CFAP206: variants seen among roughly 807,000 people sequenced by gnomAD.
CFAP206 encodes cilia and flagella associated protein 206, also known as cilia- and flagella-associated protein 206.
CFAP206 carries 53 observed loss-of-function variants against 65.4 expected under a neutral mutation model. The ratio of observed to expected loss-of-function variants is 0.81; its 90% CI spans 0.65 to 1.02. CFAP206 has a LOEUF of 1.02. Ranked by LOEUF, CFAP206 falls within the 50% of genes least tolerant of loss-of-function variation. CFAP206 has a pLI of 0.00. For missense variants in CFAP206, 663 were observed against 753.2 expected (o/e 0.88, Z 1.40); for synonymous variants, 250 against 254.4 (o/e 0.98, Z 0.17).
Position 87,416,752 on chromosome 6 carries a change from G to T in CFAP206, c.556G>T (p.Glu186Ter), listed in dbSNP as rs755706034. The T allele has an allele frequency of 2.0e-5, 33 of 1,613,596 alleles. No individual in the cohort carries two copies. Among genetic ancestry groups the T allele is most frequent in the Non-Finnish European group, 2.6e-5 (31 of 1,179,886 alleles). Residue 186 changes from glutamate (E) to a stop codon, truncating the protein, a stop_gained, in exon 6 of 13, where the codon GAA becomes TAA. Transcript: ENST00000369562. LOFTEE classifies it high-confidence loss of function. ...GAAGGACAAAGAACGCCAGCTGAAAGAACTCACCATGATTGTTACTGGAAT... is the reference window on the plus strand; with the variant it reads ...GAAGGACAAAGAACGCCAGCTGAAATAACTCACCATGATTGTTACTGGAAT... ...SKKDKERQLK[E>*]LTMIVTGIRL... is the part of the protein sequence containing the mutation.
intron 11 of CFAP206, among the ~76,000 whole-genome samples, chr6:87,452,365 A>G (rs1768561750): frequency 6.6e-6 from 1 of 152,230 alleles, no homozygotes; most frequent in South Asian, 2.1e-4. Context: ...GGACAGGTAC[A>G]AACAAACCCA....
At chr6:87,457,068 T>A (rs1291060737) in intron 11 of CFAP206, among the ~76,000 whole-genome samples, 1 of 146,998 alleles carries the variant, frequency 6.8e-6, no homozygotes, top group Non-Finnish European at 1.5e-5. Context: ...GAGAATGGCA[T>A]GAACCCAGGA....
At chr6:87,444,527 T>C (rs966832607) in intron 11 of CFAP206, 1 of 278,072 alleles carries the variant, frequency 3.6e-6, no homozygotes, top group Admixed American at 3.7e-5. Context: ...CTGGACCCTG[T>C]ATGGCTGCAA....
In CFAP206 at chr6:87,415,216, G is replaced by A. The variant is rs1169052471; in HGVS notation, c.284-470G>A. 4.0e-5 allele frequency among the ~76,000 whole-genome samples: 6 copies of A among 151,726 alleles called. 1 individual carries two copies. The highest frequency in any genetic ancestry group is 4.1e-4 in the South Asian group (2 of 4,820). On this transcript the variant is annotated intron_variant, in intron 4 of 12. Transcript: ENST00000369562. The stretch of plus-strand genomic sequence containing the variant: ...AACTGAAATAAAAATACACGTAACC[G>A]AAAGGAACATATATACTACATATAT...
At position 87,464,230 on chromosome 6, in the gene CFAP206, A is replaced by G; in HGVS notation, c.1849A>G (p.Arg617Gly). 6.8e-6 allele frequency: 11 copies of G among 1,613,776 alleles called. No homozygotes were observed. Among genetic ancestry groups the G allele is most frequent in the Non-Finnish European group, 8.5e-6 (10 of 1,179,792 alleles). Residue 617 changes from arginine to glycine, a missense_variant, in exon 13 of 13, where the codon AGA becomes GGA. Physicochemically the swap from Arg to Gly is moderately radical, Grantham distance 125 (BLOSUM62 -2). Transcript: ENST00000369562. The stretch of plus-strand genomic sequence containing the variant: ...CGATGAGGTCAAGGTGAACTTAACT[A>G]GAGATGTGGATGAAACCTAATTACA... ...ITDEVKVNLTRDVDET is the reference protein window; with the variant it reads ...ITDEVKVNLTGDVDET
intron 11 of CFAP206, chr6:87,444,298 AGAAG>A: frequency 4.7e-6 from 1 of 212,956 alleles, no homozygotes; most frequent in South Asian, 8.6e-5. Flanking sequence ...TCTCTTGATG[AGAAG>A]GTCAGAGGTA....
intron 9 of CFAP206, among the ~76,000 whole-genome samples, chr6:87,430,665 G>A (rs903868795): frequency 6.6e-6 from 1 of 152,084 alleles, no homozygotes. Context: ...CAACTCCTTG[G>A]GTTATTTACT....
At chr6:87,432,470 C>T (rs577633204) in intron 10 of CFAP206, among the ~76,000 whole-genome samples, 1 of 152,292 alleles carries the variant, frequency 6.6e-6, no homozygotes, top group Non-Finnish European at 1.5e-5. Context: ...TCCTGCCTCC[C>T]CCTCTCCATT....
Position 87,416,562 on chromosome 6 carries a change from A to AAGT in CFAP206, c.473-105_473-103dup, listed in dbSNP as rs960823481. 13 of 942,596 alleles carry AAGT rather than the reference A, an allele frequency of 1.4e-5. No individual in the cohort carries two copies. In the Admixed American group the frequency reaches 2.9e-4, roughly 21 times the overall value. The allele number at this position is 942,596 out of a possible 1,614,324, so 58.4% of individuals were successfully genotyped here. A position where few individuals can be genotyped will look rare whatever the true frequency, so the allele number is the denominator to read the frequency against. ...GTATCAGTAATTTAAAGAATCATAT[A>AAGT]AGTAACTCAGACCCTTAACTTGCTG... On this transcript the variant is annotated intron_variant, in intron 5 of 12. Transcript: ENST00000369562.
chr6:87,461,550 T>C (rs539658381), intron 12 of CFAP206, among the ~76,000 whole-genome samples: 1 of 152,184 alleles, frequency 6.6e-6, no homozygotes, highest in East Asian at 1.9e-4. Context: ...CCCTGGGCAC[T>C]CTCATCCTTC....
At chr6:87,452,616 A>C (rs1342841296) in intron 11 of CFAP206, among the ~76,000 whole-genome samples, 1 of 152,160 alleles carries the variant, frequency 6.6e-6, no homozygotes, top group East Asian at 1.9e-4. Context: ...TGAGAATCCC[A>C]TCAGATAAAT....
rs6914663 is a variant in CFAP206 at position 87,409,536 on chromosome 6, T to A, written c.-5-299T>A. Reference sequence around the variant, plus strand: ...CCTGCTTAGCCTTTTTTTTTTTTTTTAATTAAGAATATCATGATAGGAATA... The same window carrying A: ...CCTGCTTAGCCTTTTTTTTTTTTTTAAATTAAGAATATCATGATAGGAATA... On this transcript the variant is annotated intron_variant, in intron 1 of 12. Coordinates refer to ENST00000369562, the MANE Select transcript of CFAP206 (RefSeq NM_001031743.3). Among the ~76,000 whole-genome samples, 17,566 of 147,632 alleles carry A rather than the reference T, an allele frequency of 0.12. 1,077 individuals carry two copies. Among genetic ancestry groups the A allele is most frequent in the African/African-American group, 0.15 (5,831 of 40,062 alleles).
intron 9 of CFAP206, 58 bp downstream of exon 9, chr6:87,428,882 C>A: frequency 1.4e-6 from 2 of 1,449,704 alleles, no homozygotes; most frequent in Non-Finnish European, 1.9e-6. Context: ...AGAATAAAGT[C>A]ACTCTTTTGT....
chr6:87,431,156 A>G lies in CFAP206; in HGVS notation c.1283A>G (p.Asp428Gly), dbSNP rs1245634825. 6.2e-7 allele frequency: 1 copy of G among 1,613,848 alleles called. No homozygotes were observed. Among genetic ancestry groups the G allele is most frequent in the Admixed American group, 1.7e-5 (1 of 59,996 alleles). The change falls in exon 10 of 13, where the codon GAT becomes GGT. Residue 428 changes from aspartate to glycine, a missense_variant. By Grantham distance (94) the Asp-to-Gly change is moderately conservative. Coordinates refer to ENST00000369562, the MANE Select transcript of CFAP206 (RefSeq NM_001031743.3). Reference protein sequence around the residue: ...GFCAYTFAATDGLLLPGNPAI... With the variant: ...GFCAYTFAATGGLLLPGNPAI... ...TGTGCTTACACGTTTGCTGCAACAG[A>G]TGGTCTTCTCCTTCCAGGTATATCA...
At chr6:87,430,631 A>C (rs888917540) in intron 9 of CFAP206, among the ~76,000 whole-genome samples, 1 of 152,222 alleles carries the variant, frequency 6.6e-6, no homozygotes, top group Admixed American at 6.5e-5. Context: ...TTTCTGGGTC[A>C]CATAGCAGCC....
At chr6:87,411,707 G>A (rs994548576) in intron 3 of CFAP206, among the ~76,000 whole-genome samples, 1 of 152,126 alleles carries the variant, frequency 6.6e-6, no homozygotes, top group African/African-American at 2.4e-5. Context: ...GAGACATTGG[G>A]ATGGGTTTCA....
At position 87,410,669 on chromosome 6, in the gene CFAP206, G is replaced by T. The variant is rs528802257; in HGVS notation, c.192+1G>T. 7 of 1,611,610 alleles carry T rather than the reference G, an allele frequency of 4.3e-6. No homozygotes were observed. The African/African-American group carries it at 8.0e-5, about 18-fold the overall frequency. On this transcript the variant is annotated splice_donor_variant, in intron 3 of 12. Transcript: ENST00000369562. LOFTEE classifies it high-confidence loss of function. ...AAGTGATGTGCAGAATCTTGTTAAG[G>T]TGATTACCCAACAGTCCTCAAATTT...
In CFAP206 at chr6:87,413,879, G is replaced by T. The variant is rs377042908; in HGVS notation, c.262G>T (p.Asp88Tyr). The change falls in exon 4 of 13, where the codon GAT becomes TAT. Residue 88 changes from aspartate (D) to tyrosine (Y), a missense_variant. Asp to Tyr is a radical substitution (Grantham distance 160). Coordinates refer to ENST00000369562, the MANE Select transcript of CFAP206 (RefSeq NM_001031743.3). ...LDTIKMQVYF[D>Y]MNYTNRVEFL... ...CACTATTAAGATGCAAGTCTACTTC[G>T]ATATGAATTATACGAATCGAGGTAA... The T allele has an allele frequency of 3.2e-6, 5 of 1,546,074 alleles. No individual in the cohort carries two copies. The South Asian group carries it at 6.5e-5, about 20-fold the overall frequency.
chr6:87,453,350 G>C (rs903503585), intron 11 of CFAP206, among the ~76,000 whole-genome samples: 1 of 152,062 alleles, frequency 6.6e-6, no homozygotes, highest in Non-Finnish European at 1.5e-5. Context: ...TCTTCAATCT[G>C]AAAGAAAAGG....
Sources: allele counts gnomAD v4.1 joint callset (sites outside exome capture counted in the v4.1 genomes callset), GRCh38; gene constraint gnomAD v4.1.1; transcripts MANE v1.5; gene names NCBI Gene and HGNC (gene_info 2026-07-23, HGNC 2026-07-21).